AIG1: variants seen among roughly 807,000 people sequenced by gnomAD.
AIG1 encodes the protein androgen induced 1.
AIG1 carries 23 observed loss-of-function variants against 31.4 expected under a neutral mutation model. That is an observed-to-expected ratio of 0.73 (90% confidence interval 0.53 to 1.04). AIG1 has a LOEUF of 1.04. Among genes scored for constraint, AIG1 ranks in the 50% least tolerant of loss-of-function variants. The pLI, the probability that AIG1 is intolerant of heterozygous loss-of-function variation, is 0.00. For missense variants in AIG1, 274 were observed against 295.0 expected, an observed-to-expected ratio of 0.93 and a Z score of 0.52; for synonymous variants, 100 against 110.5, an observed-to-expected ratio of 0.90 and a Z score of 0.60.
At chr6:143,236,113 A>G (rs575302852) in intron 3 of AIG1, among the ~76,000 whole-genome samples, 1 of 152,322 alleles carries the variant, frequency 6.6e-6, no homozygotes, top group Admixed American at 6.5e-5. Flanking sequence ...CAAAAATGTG[A>G]GGTTTTATTT....
At chr6:143,143,528 A>AAATAT (rs1554249782) in intron 2 of AIG1, among the ~76,000 whole-genome samples, 1 of 27,794 alleles carries the variant, frequency 3.6e-5, no homozygotes. Context: ...AAAAAAAAAA[A>AAATAT]ATATATATAT....
chr6:143,336,920 G>A (rs1777533730), intron 5 of AIG1, among the ~76,000 whole-genome samples: 1 of 152,050 alleles, frequency 6.6e-6, no homozygotes, highest in Non-Finnish European at 1.5e-5. Flanking sequence ...AGAAGTTGCA[G>A]GGGGAAAAAA....
Position 143,292,600 on chromosome 6 carries a change from A to G in AIG1, c.515+8375A>G, listed in dbSNP as rs1007371893. On this transcript the variant is annotated intron_variant, in intron 4 of 5. Transcript: ENST00000357847. This position sits in a 1 kb window ranked among gnomAD's most constrained non-coding sequence, Gnocchi z 4.9. ...TTTAGCTCAGTGACACCTATGTTAT[A>G]CTTCTAACCTGTAGAATTCTCCGAT... 2.6e-5 allele frequency among the ~76,000 whole-genome samples: 4 copies of G among 152,196 alleles called. No individual in the cohort carries two copies. Among genetic ancestry groups the G allele is most frequent in the African/African-American group, 9.7e-5 (4 of 41,442 alleles).
intron 4 of AIG1, among the ~76,000 whole-genome samples, chr6:143,308,915 G>A (rs565534074): frequency 3.2e-4 from 49 of 152,060 alleles, no homozygotes; most frequent in African/African-American, 1.1e-3. Flanking sequence ...CCATAGGGGT[G>A]TGTAAAGTTT....
intron 3 of AIG1, among the ~76,000 whole-genome samples, chr6:143,171,527 T>TATATAATATATATA (rs1787629356): frequency 7.7e-6 from 1 of 130,582 alleles, no homozygotes; most frequent in Non-Finnish European, 1.6e-5. Flanking sequence ...TATATATATT[T>TATATAATATATATA]AATATATATA....
intron 3 of AIG1, among the ~76,000 whole-genome samples, chr6:143,281,569 T>G (rs1193389924): frequency 1.3e-5 from 2 of 152,240 alleles, no homozygotes; most frequent in African/African-American, 4.8e-5. Flanking sequence ...ATAACTCAAC[T>G]GCTAAAGGTT....
At position 143,136,903 on chromosome 6, in the gene AIG1, T is replaced by G. The variant is rs754262914; in HGVS notation, c.210T>G (p.Ser70Arg). The change falls in exon 2 of 6, where the codon AGT (serine) becomes AGG (arginine). Residue 70 changes from serine to arginine, a missense_variant. Ser to Arg is a moderately radical substitution (Grantham distance 110). Transcript: ENST00000357847. ...TDLSSLLTRGSGNQEQERQLK... is the reference protein window; with the variant it reads ...TDLSSLLTRGRGNQEQERQLK... ...TTTCCAGTCTTCTGACTCGAGGAAG[T>G]GGGAACCAGGAGCAAGAGAGGCAGC... 8.5e-6 allele frequency: 13 copies of G among 1,534,810 alleles called. No individual in the cohort carries two copies. The Admixed American group carries it at 2.2e-4, about 26-fold the overall frequency.
At chr6:143,248,793 A>T (rs537259236) in intron 3 of AIG1, among the ~76,000 whole-genome samples, 1 of 152,344 alleles carries the variant, frequency 6.6e-6, no homozygotes, top group East Asian at 1.9e-4. Flanking sequence ...AGAGTAAGGC[A>T]TGAGCAACCA....
intron 3 of AIG1, among the ~76,000 whole-genome samples, chr6:143,180,380 C>T (rs139851147): frequency 2.0e-3 from 309 of 152,226 alleles, no homozygotes; most frequent in African/African-American, 7.1e-3. Context: ...CAGCATAGTC[C>T]CCAAAGGGCC....
intron 4 of AIG1, among the ~76,000 whole-genome samples, chr6:143,287,270 C>A (rs1171464147): frequency 6.6e-6 from 1 of 152,022 alleles, no homozygotes; most frequent in Non-Finnish European, 1.5e-5. Flanking sequence ...ATAATGGGTA[C>A]CATTCCTTTG....
At chr6:143,189,532 A>G (rs948691229) in intron 3 of AIG1, 1 of 985,476 alleles carries the variant, frequency 1.0e-6, no homozygotes, top group Non-Finnish European at 1.2e-6. Flanking sequence ...TTATTTGCTT[A>G]TGAATTTTTC....
At chr6:143,255,456 G>A (rs1795312750) in intron 3 of AIG1, among the ~76,000 whole-genome samples, 1 of 152,160 alleles carries the variant, frequency 6.6e-6, no homozygotes, top group African/African-American at 2.4e-5. Context: ...GTGTAAGCAT[G>A]CCCCTGGTGT....
chr6:143,301,873 G>A (rs1798848573), intron 4 of AIG1, among the ~76,000 whole-genome samples: 2 of 152,174 alleles, frequency 1.3e-5, no homozygotes, highest in Non-Finnish European at 2.9e-5. Context: ...GATAGTGCTA[G>A]TAGAGTCAAG....
intron 3 of AIG1, among the ~76,000 whole-genome samples, chr6:143,193,886 T>C (rs902249351): frequency 6.6e-6 from 1 of 152,172 alleles, no homozygotes; most frequent in Non-Finnish European, 1.5e-5. Flanking sequence ...ATTTCAGGGG[T>C]TTAGGAGGAA....
rs17072288 is a variant in AIG1 at position 143,187,771 on chromosome 6, A to G, written c.399+22588A>G. ...ATGCATGCTGCTCTGCACAAGAAGGACATTTGGAAATGACCTTGAAGCGAA... is the reference window on the plus strand; with the variant it reads ...ATGCATGCTGCTCTGCACAAGAAGGGCATTTGGAAATGACCTTGAAGCGAA... On this transcript the variant is annotated intron_variant, in intron 3 of 5. Coordinates refer to ENST00000357847, the MANE Select transcript of AIG1 (RefSeq NM_016108.4). 6.3e-3 allele frequency: 9,593 copies of G among 1,515,096 alleles called. 290 individuals carry two copies. The highest frequency in any genetic ancestry group is 0.063 in the African/African-American group (4,550 of 72,164). 93.9% of individuals were successfully genotyped at this position (1,515,096 alleles called of 1,614,324 possible).
rs1777043602 is a variant in AIG1, at chr6:143,331,167, A to ATGTTC, written c.516-2115_516-2114insTGTTC. On this transcript the variant is annotated intron_variant, in intron 4 of 5. Coordinates refer to ENST00000357847, the MANE Select transcript of AIG1 (RefSeq NM_016108.4). The surrounding 1 kb of genome is among the most constrained non-coding windows in gnomAD (Gnocchi z 4.1). The stretch of plus-strand genomic sequence containing the variant: ...TGTTTTTTTTTTCCTAATTTCCACC[A>ATGTTC]CAGGAACATTTTTTATTGTGCTAAA... 1.3e-5 allele frequency among the ~76,000 whole-genome samples: 2 copies of ATGTTC among 151,756 alleles called. No individual in the cohort carries two copies. Among genetic ancestry groups the ATGTTC allele is most frequent in the Non-Finnish European group, 2.9e-5 (2 of 67,936 alleles).
chr6:143,249,588 C>T (rs1012016366), intron 3 of AIG1, among the ~76,000 whole-genome samples: 1 of 152,198 alleles, frequency 6.6e-6, no homozygotes, highest in African/African-American at 2.4e-5. Context: ...CTTAGCTCTC[C>T]AATCTCTGCT....
rs376549261 is a variant in AIG1, at chr6:143,334,937, A to T, written c.679+1492A>T. 39 of 564,960 alleles carry T rather than the reference A, an allele frequency of 6.9e-5. No homozygotes were observed. In the Middle Eastern group the frequency reaches 1.9e-3, roughly 28 times the overall value. The allele number at this position is 564,960 out of a possible 1,614,324, so 35.0% of individuals were successfully genotyped here. The stretch of plus-strand genomic sequence containing the variant: ...GAATACTGCTTTTTAGCAGCTTTGA[A>T]TGAGGAGTTAAAAATGAATAATGAA... On this transcript the variant is annotated intron_variant, in intron 5 of 5. Transcript: ENST00000357847. This position sits in a 1 kb window ranked among gnomAD's most constrained non-coding sequence, Gnocchi z 5.1.
At chr6:143,184,715 C>T (rs1370572323) in intron 3 of AIG1, among the ~76,000 whole-genome samples, 1 of 152,154 alleles carries the variant, frequency 6.6e-6, no homozygotes, top group Admixed American at 6.5e-5. Flanking sequence ...TGGCCTCTGC[C>T]CTCTTTCTTC....
Sources: allele counts gnomAD v4.1 joint callset (sites outside exome capture counted in the v4.1 genomes callset), GRCh38; gene constraint gnomAD v4.1.1; non-coding constraint Gnocchi (gnomAD v3.1); transcripts MANE v1.5; gene names NCBI Gene and HGNC (gene_info 2026-07-23, HGNC 2026-07-21).